The following NEURL1B variants were observed in gnomAD, a reference collection of about 807,000 sequenced individuals.
The protein encoded by NEURL1B is E3 ubiquitin-protein ligase NEURL1B.
In NEURL1B, 13 loss-of-function variants were observed where a neutral mutation model predicts 37.4. The ratio of observed to expected loss-of-function variants is 0.35; its 90% CI spans 0.23 to 0.55. The LOEUF (loss-of-function observed/expected upper bound fraction) is 0.55, where lower values mean the gene tolerates loss of function less well. Among genes scored for constraint, NEURL1B ranks in the 20% least tolerant of loss-of-function variants. NEURL1B has a pLI of 0.89. For missense variants in NEURL1B, 790 were observed against 879.2 expected, an observed-to-expected ratio of 0.90 and a Z score of 1.28; for synonymous variants, 432 against 426.6, an observed-to-expected ratio of 1.01 and a Z score of -0.16.
At chr5:172,679,778 C>G (rs1758309953) in intron 2 of NEURL1B, among the ~76,000 whole-genome samples, 1 of 152,220 alleles carries the variant, frequency 6.6e-6, no homozygotes, top group East Asian at 1.9e-4. Flanking sequence ...GCCTGGAGAA[C>G]CTGCCCGGCC....
intron 2 of NEURL1B, among the ~76,000 whole-genome samples, chr5:172,674,952 C>A (rs1758203671): frequency 6.6e-6 from 1 of 152,186 alleles, no homozygotes; most frequent in Non-Finnish European, 1.5e-5. Context: ...TCACTGCAAC[C>A]TCTGCCTCCC....
chr5:172,641,506 C>G lies in NEURL1B; in HGVS notation c.31+69C>G, dbSNP rs1037787306. On this transcript the variant is annotated intron_variant, in intron 1 of 4. Coordinates refer to ENST00000369800, the MANE Select transcript of NEURL1B (RefSeq NM_001142651.3). The surrounding 1 kb of genome is among the most constrained non-coding windows in gnomAD (Gnocchi z 6.4). ...CTCCTCCGGGGGACCCGCTGGGTGA[C>G]TCTGGAGAGCTACCCCACGGCCCTT... 33 of 1,200,342 alleles carry G rather than the reference C, an allele frequency of 2.7e-5. No individual in the cohort carries two copies. Among genetic ancestry groups the G allele is most frequent in the Middle Eastern group, 6.3e-4 (2 of 3,178 alleles). The allele number at this position is 1,200,342 out of a possible 1,614,324, so 74.4% of individuals were successfully genotyped here.
Position 172,683,801 on chromosome 5 carries a change from C to G in NEURL1B, c.960C>G (p.Gly320=), listed in dbSNP as rs1349051105. Residue 320 remains glycine, a synonymous_variant, in exon 3 of 5, where the codon GGC becomes GGG. Transcript: ENST00000369800. The surrounding 1 kb of genome is among the most constrained non-coding windows in gnomAD (Gnocchi z 5.6). ...LVFSERPLRP[G]ESLFVEVGRP... is the part of the protein sequence containing the mutation. Reference sequence around the variant, plus strand: ...TCTCCGAGCGCCCGCTGCGGCCCGGCGAGAGCCTCTTCGTGGAGGTGGGCC... The same window carrying G: ...TCTCCGAGCGCCCGCTGCGGCCCGGGGAGAGCCTCTTCGTGGAGGTGGGCC... 2 of 1,312,238 alleles carry G rather than the reference C, an allele frequency of 1.5e-6. No homozygotes were observed. Among genetic ancestry groups the G allele is most frequent in the Admixed American group, 3.8e-5 (1 of 26,052 alleles). 81.3% of individuals were successfully genotyped at this position (1,312,238 alleles called of 1,614,324 possible).
At chr5:172,677,385 G>A (rs756853974) in intron 2 of NEURL1B, among the ~76,000 whole-genome samples, 15 of 152,094 alleles carry the variant, frequency 9.9e-5, no homozygotes, top group African/African-American at 3.4e-4. Context: ...TGGGTGCATC[G>A]TGATCCCACT....
Position 172,641,690 on chromosome 5 carries a change from G to A in NEURL1B, c.31+253G>A, listed in dbSNP as rs550763599. On this transcript the variant is annotated intron_variant, in intron 1 of 4. Coordinates refer to ENST00000369800, the MANE Select transcript of NEURL1B (RefSeq NM_001142651.3). This position sits in a 1 kb window ranked among gnomAD's most constrained non-coding sequence, Gnocchi z 6.4. ...CATTCTCCCGGCTTTGGCCAGATGC[G>A]CAAAAAGGGCCGCTGGGGCGATGCC... Among the ~76,000 whole-genome samples the A allele has an allele frequency of 6.6e-6, 1 of 152,068 alleles. No individual in the cohort carries two copies. Among genetic ancestry groups the A allele is most frequent in the Non-Finnish European group, 1.5e-5 (1 of 67,990 alleles).
intron 1 of NEURL1B, among the ~76,000 whole-genome samples, chr5:172,663,835 A>ATTATTATTATTATTATTATTATAG (rs1757954613): frequency 7.6e-4 from 69 of 91,050 alleles, no homozygotes; most frequent in African/African-American, 2.1e-3. Context: ...TTTGTTTATT[A>ATTATTATTATTATTATTATTATAG]TTATTATTAT....
rs1758617359 is a variant in NEURL1B, at chr5:172,690,220, C to G, written c.*3295C>G. 6.6e-6 allele frequency: 1 copy of G among 152,234 alleles called. No homozygotes were observed. The highest frequency in any genetic ancestry group is 6.5e-5 in the Admixed American group (1 of 15,284). 9.4% of individuals were successfully genotyped at this position (152,234 alleles called of 1,614,324 possible). A position where few individuals can be genotyped will look rare whatever the true frequency, so the allele number is the denominator to read the frequency against. On this transcript the variant is annotated 3_prime_UTR_variant, in exon 5 of 5. Coordinates refer to ENST00000369800, the MANE Select transcript of NEURL1B (RefSeq NM_001142651.3). ...GACTCCTGAAAAACTGGGCTGTTTG[C>G]AAAGCAAATCCAGCTCCTTGTCCTA...
rs1758130845 is a variant in NEURL1B at position 172,671,593 on chromosome 5, C to T, written c.577+1263C>T. Among the ~76,000 whole-genome samples, 3 of 152,172 alleles carry T rather than the reference C, an allele frequency of 2.0e-5. No individual in the cohort carries two copies. In the South Asian group the frequency reaches 6.2e-4, roughly 31 times the overall value. On this transcript the variant is annotated intron_variant, in intron 2 of 4. Transcript: ENST00000369800. ...GTATCTGGCTTCTTTATCTCAGCAT[C>T]GTATTTTTCAGATTCATCCACATTG...
At chr5:172,672,615 G>A (rs1758152105) in intron 2 of NEURL1B, among the ~76,000 whole-genome samples, 1 of 150,022 alleles carries the variant, frequency 6.7e-6, no homozygotes, top group Non-Finnish European at 1.5e-5. Context: ...GGGAGAGGTA[G>A]AGTCTGCTGG....
At chr5:172,652,144 G>C (rs1056550021) in intron 1 of NEURL1B, among the ~76,000 whole-genome samples, 1 of 152,252 alleles carries the variant, frequency 6.6e-6, no homozygotes, top group Non-Finnish European at 1.5e-5. Context: ...GACACGAAGT[G>C]AACTTAGTGT....
In NEURL1B at chr5:172,670,314, C is replaced by A; in HGVS notation, c.561C>A (p.Asp187Glu). 7.3e-7 allele frequency: 1 copy of A among 1,367,676 alleles called. No individual in the cohort carries two copies. The highest frequency in any genetic ancestry group is 9.4e-7 in the Non-Finnish European group (1 of 1,064,324). 84.7% of individuals were successfully genotyped at this position (1,367,676 alleles called of 1,614,324 possible). A position where few individuals can be genotyped will look rare whatever the true frequency, so the allele number is the denominator to read the frequency against. The change falls in exon 2 of 5, where the codon GAC (aspartate) becomes GAA (glutamate). Residue 187 changes from aspartate (D) to glutamate (E), a missense_variant. By Grantham distance (45) the Asp-to-Glu change is conservative. Transcript: ENST00000369800. ...TCATTGATGTCTACGGCATCACCGA[C>A]GAGGTGCAGCTTCTGGGTAGGTCGC... ...WALIDVYGITDEVQLLESAFA... is the reference protein window; with the variant it reads ...WALIDVYGITEEVQLLESAFA...
Position 172,666,209 on chromosome 5 carries a change from C to A in NEURL1B, c.32-3576C>A, listed in dbSNP as rs78040706. On this transcript the variant is annotated intron_variant, in intron 1 of 4. Transcript: ENST00000369800. ...CACCACCACCACCACCAAAAAAAAA[C>A]AGAGCTGGGATCACACACACCTGGC... Among the ~76,000 whole-genome samples, 292 of 151,874 alleles carry A rather than the reference C, an allele frequency of 1.9e-3. 7 individuals are homozygous for A. The East Asian group carries it at 0.045, about 24-fold the overall frequency.
At chr5:172,666,313 C>G (rs1758014130) in intron 1 of NEURL1B, among the ~76,000 whole-genome samples, 1 of 152,198 alleles carries the variant, frequency 6.6e-6, no homozygotes, top group South Asian at 2.1e-4. Context: ...CTCTGAAACT[C>G]CATTTCGTCA....
At chr5:172,646,663 C>A (rs1581417929) in intron 1 of NEURL1B, among the ~76,000 whole-genome samples, 1 of 152,188 alleles carries the variant, frequency 6.6e-6, no homozygotes, top group Non-Finnish European at 1.5e-5. Flanking sequence ...GAGAGACCGA[C>A]AAAGACACAG....
Position 172,669,942 on chromosome 5 carries a change from C to A in NEURL1B, c.189C>A (p.Asn63Lys). 6.9e-7 allele frequency: 1 copy of A among 1,458,220 alleles called. No homozygotes were observed. Among genetic ancestry groups the A allele is most frequent in the Non-Finnish European group, 9.0e-7 (1 of 1,110,600 alleles). 90.3% of individuals were successfully genotyped at this position (1,458,220 alleles called of 1,614,324 possible). ...DGHSRRATRR[N>K]SFCNGVTFTQ... ...ACTCGCGCCGGGCCACACGGCGCAA[C>A]AGCTTCTGCAATGGCGTCACGTTCA... The change falls in exon 2 of 5, where the codon AAC becomes AAA. Residue 63 changes from asparagine to lysine, a missense_variant. Asn to Lys is a moderately conservative substitution (Grantham distance 94). Transcript: ENST00000369800.
chr5:172,643,535 C>T (rs751918510), intron 1 of NEURL1B, among the ~76,000 whole-genome samples: 7 of 152,176 alleles, frequency 4.6e-5, no homozygotes, highest in Non-Finnish European at 7.3e-5. Context: ...CTCATCGTTG[C>T]AATGACTGCA....
chr5:172,646,906 G>A (rs1757571742), intron 1 of NEURL1B, among the ~76,000 whole-genome samples: 1 of 151,988 alleles, frequency 6.6e-6, no homozygotes, highest in Admixed American at 6.6e-5. Context: ...CAGTGCAAAT[G>A]GGGGTGGGAT....
At position 172,686,784 on chromosome 5, in the gene NEURL1B, C is replaced by A. The variant is rs116112312; in HGVS notation, c.1527C>A (p.Gly509=). The change falls in exon 5 of 5, where the codon GGC becomes GGA. Residue 509 remains glycine, a synonymous_variant. Coordinates refer to ENST00000369800, the MANE Select transcript of NEURL1B (RefSeq NM_001142651.3). The surrounding 1 kb of genome is among the most constrained non-coding windows in gnomAD (Gnocchi z 7.9). ...KNGECTVCFD[G]EVDTVIYTCG... is the part of the protein sequence containing the mutation. ...GCGAGTGCACGGTGTGCTTCGATGG[C>A]GAGGTGGACACGGTCATCTACACGT... The A allele has an allele frequency of 1.3e-6, 2 of 1,551,432 alleles. No individual in the cohort carries two copies. The highest frequency in any genetic ancestry group is 1.7e-6 in the Non-Finnish European group (2 of 1,147,218).
chr5:172,680,360 G>T (rs192669268), intron 2 of NEURL1B, among the ~76,000 whole-genome samples: 28 of 152,144 alleles, frequency 1.8e-4, no homozygotes, highest in Non-Finnish European at 7.4e-5. Flanking sequence ...TCTTAATAAG[G>T]ATGCTGCACT....
Sources: allele counts gnomAD v4.1 joint callset (sites outside exome capture counted in the v4.1 genomes callset), GRCh38; gene constraint gnomAD v4.1.1; non-coding constraint Gnocchi (gnomAD v3.1); transcripts MANE v1.5; gene names NCBI Gene and HGNC (gene_info 2026-07-23, HGNC 2026-07-21).